Variants in NRG2 observed in about 807,000 individuals in gnomAD.
NRG2 encodes neuregulin 2, also known as pro-neuregulin-2, membrane-bound isoform.
In NRG2, 27 loss-of-function variants were observed where a neutral mutation model predicts 73.9. That is an observed-to-expected ratio of 0.37 (90% CI 0.27 to 0.50). NRG2 has a LOEUF of 0.50. Ranked by LOEUF, NRG2 falls within the 20% of genes least tolerant of loss-of-function variation. The pLI, the probability that NRG2 is intolerant of heterozygous loss-of-function variation, is 0.96. For synonymous variants in NRG2, 532 were observed against 541.0 expected, an observed-to-expected ratio of 0.98 and a Z score of 0.23; for missense variants, 1,126 against 1,210.1, an observed-to-expected ratio of 0.93 and a Z score of 1.03.
intron 1 of NRG2, among the ~76,000 whole-genome samples, chr5:139,907,517 CA>C (rs1413053091): frequency 6.6e-6 from 1 of 151,980 alleles, no homozygotes; most frequent in African/African-American, 2.4e-5. Flanking sequence ...AAAGAATGGC[CA>C]AGGGTATCAG....
At chr5:139,947,441 C>G (rs140738837) in intron 1 of NRG2, among the ~76,000 whole-genome samples, 1 of 152,276 alleles carries the variant, frequency 6.6e-6, no homozygotes, top group Non-Finnish European at 1.5e-5. Context: ...AAATAATATT[C>G]TATTGTGGAT....
intron 1 of NRG2, among the ~76,000 whole-genome samples, chr5:139,898,121 A>G (rs1430955650): frequency 2.0e-5 from 3 of 152,258 alleles, no homozygotes; most frequent in Admixed American, 2.0e-4. Context: ...CTGGCTGAGC[A>G]ATGTGCTCCT....
chr5:139,893,228 A>G lies in NRG2; in HGVS notation c.701-5717T>C, dbSNP rs1258376021. On this transcript the variant is annotated intron_variant, in intron 1 of 9. Coordinates refer to ENST00000361474, the MANE Select transcript of NRG2 (RefSeq NM_004883.3). ...TTTCCAAGTCTAGAATCATTTCAGT[A>G]GCTGCATAATATTTCATTGTTCAGA... Among the ~76,000 whole-genome samples the G allele has an allele frequency of 2.6e-5, 4 of 152,304 alleles. No homozygotes were observed. The South Asian group carries it at 8.3e-4, about 32-fold the overall frequency.
intron 1 of NRG2, among the ~76,000 whole-genome samples, chr5:139,903,866 G>C (rs1765041498): frequency 6.6e-6 from 1 of 152,344 alleles, no homozygotes; most frequent in East Asian, 1.9e-4. Context: ...GTGGCACATG[G>C]GTAGGGGCAA....
At chr5:139,997,783 A>T (rs183548044) in intron 1 of NRG2, among the ~76,000 whole-genome samples, 124 of 152,364 alleles carry the variant, frequency 8.1e-4, no homozygotes, top group Non-Finnish European at 1.6e-3. Flanking sequence ...TCAAGAAGGT[A>T]GAACTTCCAA....
At chr5:140,040,364 G>A (rs1168242234) in intron 1 of NRG2, among the ~76,000 whole-genome samples, 1 of 152,170 alleles carries the variant, frequency 6.6e-6, no homozygotes, top group Non-Finnish European at 1.5e-5. Flanking sequence ...TTGATAATAT[G>A]AGATGATCAT....
chr5:139,987,140 G>A (rs1757224375), intron 1 of NRG2, among the ~76,000 whole-genome samples: 1 of 151,920 alleles, frequency 6.6e-6, no homozygotes, highest in African/African-American at 2.4e-5. Flanking sequence ...GGGAGGCCGA[G>A]GCGGGCAGAT....
chr5:139,893,029 A>G (rs1764319590), intron 1 of NRG2, among the ~76,000 whole-genome samples: 1 of 152,226 alleles, frequency 6.6e-6, no homozygotes, highest in South Asian at 2.1e-4. Context: ...TACATAAGAA[A>G]TTTTTGTTGT....
intron 4 of NRG2, among the ~76,000 whole-genome samples, chr5:139,867,316 T>G (rs1762525971): frequency 6.6e-6 from 1 of 151,930 alleles, no homozygotes; most frequent in Non-Finnish European, 1.5e-5. Context: ...TAGGAGTGTG[T>G]GTGTGGGTAT....
chr5:139,857,654 G>A (rs1761890404), intron 5 of NRG2, among the ~76,000 whole-genome samples: 1 of 151,994 alleles, frequency 6.6e-6, no homozygotes, highest in South Asian at 2.1e-4. Flanking sequence ...TACTTGGGCT[G>A]TGTTGGGCAC....
rs1020113611 is a variant in NRG2, at chr5:139,847,759, T to C, written c.*158A>G. The C allele has an allele frequency of 3.8e-6, 2 of 528,594 alleles. No homozygotes were observed. Among genetic ancestry groups the C allele is most frequent in the Non-Finnish European group, 2.9e-6 (1 of 342,936 alleles). 32.7% of individuals were successfully genotyped at this position (528,594 alleles called of 1,614,324 possible). A position where few individuals can be genotyped will look rare whatever the true frequency, so the allele number is the denominator to read the frequency against. The stretch of plus-strand genomic sequence containing the variant: ...GTTAGCTAGTATTATAAGACAATTT[T>C]TGCTAAAATGAAAATAAAACATTTT... On this transcript the variant is annotated 3_prime_UTR_variant, in exon 10 of 10. Coordinates refer to ENST00000361474, the MANE Select transcript of NRG2 (RefSeq NM_004883.3).
chr5:140,027,930 G>A (rs1760830214), intron 1 of NRG2, among the ~76,000 whole-genome samples: 1 of 152,156 alleles, frequency 6.6e-6, no homozygotes, highest in Non-Finnish European at 1.5e-5. Flanking sequence ...GAGCCACAGG[G>A]TAGAACAACA....
chr5:139,978,352 A>C (rs921543670), intron 1 of NRG2, among the ~76,000 whole-genome samples: 2 of 152,208 alleles, frequency 1.3e-5, no homozygotes, highest in East Asian at 1.9e-4. Flanking sequence ...AAATGCTCAT[A>C]ATCACTGGCC....
At chr5:139,866,063 A>C (rs1762450336) in intron 4 of NRG2, among the ~76,000 whole-genome samples, 1 of 152,120 alleles carries the variant, frequency 6.6e-6, no homozygotes, top group African/African-American at 2.4e-5. Flanking sequence ...CGACTGAAGG[A>C]TTCTCTCCTG....
intron 1 of NRG2, among the ~76,000 whole-genome samples, chr5:140,034,112 C>T (rs1761339922): frequency 1.3e-5 from 2 of 152,168 alleles, no homozygotes; most frequent in South Asian, 4.1e-4. Context: ...GCCTGTGGCA[C>T]ACCACACCCA....
rs1762384722 is a variant in NRG2 at position 139,864,941 on chromosome 5, A to G, written c.1189+608T>C. On this transcript the variant is annotated intron_variant, in intron 5 of 9. Coordinates refer to ENST00000361474, the MANE Select transcript of NRG2 (RefSeq NM_004883.3). ...GAGAGAACTTGGCATTACTGTGCCC[A>G]GGAGGTACAGCCCACATGTGGAGGT... 2.7e-5 allele frequency: 19 copies of G among 699,246 alleles called. No individual in the cohort carries two copies. The Middle Eastern group carries it at 3.9e-3, about 143-fold the overall frequency. The allele number at this position is 699,246 out of a possible 1,614,324, so 43.3% of individuals were successfully genotyped here.
At chr5:139,877,932 G>T (rs1031567980) in intron 3 of NRG2, among the ~76,000 whole-genome samples, 4 of 152,258 alleles carry the variant, frequency 2.6e-5, no homozygotes, top group Admixed American at 6.5e-5. Context: ...CAAGAAGGCT[G>T]CAGGAAGCTG....
intron 1 of NRG2, among the ~76,000 whole-genome samples, chr5:140,029,941 C>T (rs1052609901): frequency 6.6e-6 from 1 of 152,106 alleles, no homozygotes; most frequent in Non-Finnish European, 1.5e-5. Context: ...GATCCACAAA[C>T]CAGCTTCAAA....
intron 1 of NRG2, among the ~76,000 whole-genome samples, chr5:140,020,775 T>C (rs1760157769): frequency 6.6e-6 from 1 of 152,230 alleles, no homozygotes; most frequent in African/African-American, 2.4e-5. Flanking sequence ...AAAGTTTGCA[T>C]ACGTAGCCCA....
Sources: allele counts gnomAD v4.1 joint callset (sites outside exome capture counted in the v4.1 genomes callset), GRCh38; gene constraint gnomAD v4.1.1; transcripts MANE v1.5; gene names NCBI Gene and HGNC (gene_info 2026-07-23, HGNC 2026-07-21).